The following SREK1IP1 variants were observed in gnomAD, a reference collection of about 807,000 sequenced individuals.
SREK1IP1 encodes the protein protein SREK1IP1.
Under a neutral mutation model 22.8 loss-of-function variants are expected in SREK1IP1, and 12 were observed. The observed-to-expected ratio is 0.53, with a 90% CI of 0.34 to 0.85. The LOEUF is 0.85. Among genes scored for constraint, SREK1IP1 ranks in the 40% least tolerant of loss-of-function variants. SREK1IP1 has a pLI of 0.02. For missense variants in SREK1IP1, 147 were observed against 171.8 expected (o/e 0.86, Z 0.81); for synonymous variants, 53 against 52.7 (o/e 1.01, Z -0.02).
At position 64,728,142 on chromosome 5, in the gene SREK1IP1, G is replaced by A; in HGVS notation, c.243C>T (p.Ser81=). 7.2e-7 allele frequency: 1 copy of A among 1,394,752 alleles called. No individual in the cohort carries two copies. Among genetic ancestry groups the A allele is most frequent in the South Asian group, 1.6e-5 (1 of 61,318 alleles). The allele number at this position is 1,394,752 out of a possible 1,614,324, so 86.4% of individuals were successfully genotyped here. The part of the protein sequence containing the change: ...NEEEEKKKEK[S]KEKIKLKKKR... ...TTTTTTTCAATTTGATTTTTTCTTT[G>A]CTTTTTTCTTTCTTCTTTTCCTCTT... The change falls in exon 4 of 5, where the codon AGC becomes AGT. Residue 81 remains serine, a synonymous_variant. Transcript: ENST00000513458.
chr5:64,752,005 T>A (rs1428750869), intron 2 of SREK1IP1, among the ~76,000 whole-genome samples: 1 of 152,188 alleles, frequency 6.6e-6, no homozygotes, highest in Non-Finnish European at 1.5e-5. Flanking sequence ...ATCATGATTA[T>A]TTGAGACATT....
chr5:64,749,908 G>A (rs1411473652), intron 2 of SREK1IP1, among the ~76,000 whole-genome samples: 1 of 152,068 alleles, frequency 6.6e-6, no homozygotes, highest in Non-Finnish European at 1.5e-5. Context: ...TCTTCCTTGA[G>A]GGCATTTCTC....
At chr5:64,757,444 A>C (rs1742861896) in intron 1 of SREK1IP1, among the ~76,000 whole-genome samples, 2 of 152,218 alleles carry the variant, frequency 1.3e-5, no homozygotes, top group African/African-American at 4.8e-5. Context: ...TACTTGTTTT[A>C]AAAATGCAAG....
chr5:64,766,978 T>A (rs1461148682), intron 1 of SREK1IP1, among the ~76,000 whole-genome samples: 1 of 152,206 alleles, frequency 6.6e-6, no homozygotes, highest in African/African-American at 2.4e-5. Flanking sequence ...TTGAGTTCTA[T>A]CCACAGAAAA....
chr5:64,745,597 A>AC (rs1315779056), intron 2 of SREK1IP1, among the ~76,000 whole-genome samples: 3 of 152,066 alleles, frequency 2.0e-5, no homozygotes, highest in African/African-American at 7.3e-5. Flanking sequence ...AAAAAAAAAA[A>AC]AAACTCCTGA....
chr5:64,747,088 C>G (rs1742651148), intron 2 of SREK1IP1, among the ~76,000 whole-genome samples: 1 of 152,164 alleles, frequency 6.6e-6, no homozygotes, highest in African/African-American at 2.4e-5. Flanking sequence ...CATGTGCTCT[C>G]TGTGTGCCAC....
chr5:64,749,486 G>C (rs1317106088), intron 2 of SREK1IP1, among the ~76,000 whole-genome samples: 1 of 151,742 alleles, frequency 6.6e-6, no homozygotes, highest in African/African-American at 2.4e-5. Flanking sequence ...ACCCAGGCAG[G>C]AGTGCAGTGG....
chr5:64,722,968 C>G lies in SREK1IP1; in HGVS notation c.*1416G>C, dbSNP rs1742198290. ...AGCTGATTTCACTATCATGAATTCA[C>G]CTGCAGCCGTATCTATAGGTTATCA... On this transcript the variant is annotated 3_prime_UTR_variant, in exon 5 of 5. Coordinates refer to ENST00000513458, the MANE Select transcript of SREK1IP1 (RefSeq NM_173829.4). The G allele has an allele frequency of 6.6e-6, 1 of 152,186 alleles. No homozygotes were observed. Among genetic ancestry groups the G allele is most frequent in the African/African-American group, 2.4e-5 (1 of 41,440 alleles). 9.4% of individuals were successfully genotyped at this position (152,186 alleles called of 1,614,324 possible).
At chr5:64,731,435 G>A (rs1479938191) in intron 3 of SREK1IP1, among the ~76,000 whole-genome samples, 1 of 151,226 alleles carries the variant, frequency 6.6e-6, no homozygotes, top group Non-Finnish European at 1.5e-5. Context: ...GACTGCTTGG[G>A]CCCAGGAGTT....
intron 2 of SREK1IP1, among the ~76,000 whole-genome samples, 158 bp downstream of exon 2, chr5:64,754,157 T>C (rs1184756093): frequency 6.6e-6 from 1 of 152,186 alleles, no homozygotes; most frequent in African/African-American, 2.4e-5. Context: ...AAGTGAATAT[T>C]TAGTGCTAAC....
intron 1 of SREK1IP1, among the ~76,000 whole-genome samples, chr5:64,762,416 G>A (rs542724923): frequency 7.2e-5 from 11 of 152,198 alleles, no homozygotes; most frequent in African/African-American, 2.6e-4. Flanking sequence ...AACCTATAAA[G>A]ACAATTTCAA....
At chr5:64,760,212 G>A (rs1742923205) in intron 1 of SREK1IP1, among the ~76,000 whole-genome samples, 2 of 152,170 alleles carry the variant, frequency 1.3e-5, no homozygotes, top group Non-Finnish European at 2.9e-5. Context: ...CAGTGTTTAT[G>A]GCATGCTGCC....
At chr5:64,727,514 T>G (rs1017043412) in intron 4 of SREK1IP1, among the ~76,000 whole-genome samples, 1 of 144,210 alleles carries the variant, frequency 6.9e-6, no homozygotes, top group Non-Finnish European at 1.5e-5. Context: ...AAGGTGTGTG[T>G]ATGTGCATAT....
chr5:64,766,111 C>T (rs1487258476), intron 1 of SREK1IP1, among the ~76,000 whole-genome samples: 2 of 152,238 alleles, frequency 1.3e-5, no homozygotes, highest in Admixed American at 1.3e-4. Context: ...GAGTGCTCCA[C>T]TCCCATAGCC....
chr5:64,761,853 T>C (rs1742956979), intron 1 of SREK1IP1, among the ~76,000 whole-genome samples: 1 of 151,450 alleles, frequency 6.6e-6, no homozygotes, highest in Admixed American at 6.6e-5. Flanking sequence ...AACATGTAAA[T>C]TATGTCTTAG....
chr5:64,763,588 TAAG>T (rs1329903484), intron 1 of SREK1IP1, among the ~76,000 whole-genome samples: 5 of 152,116 alleles, frequency 3.3e-5, no homozygotes, highest in East Asian at 1.9e-4. Flanking sequence ...GAAATTTGTT[TAAG>T]AAGAGACAGA....
rs1021741113 is a variant in SREK1IP1 at position 64,718,724 on chromosome 5, T to G, written c.*5660A>C. 1 of 152,146 alleles carries G rather than the reference T, an allele frequency of 6.6e-6. No homozygotes were observed. Among genetic ancestry groups the G allele is most frequent in the Non-Finnish European group, 1.5e-5 (1 of 67,994 alleles). 9.4% of individuals were successfully genotyped at this position (152,146 alleles called of 1,614,324 possible). A position where few individuals can be genotyped will look rare whatever the true frequency, so the allele number is the denominator to read the frequency against. On this transcript the variant is annotated 3_prime_UTR_variant, in exon 5 of 5. Coordinates refer to ENST00000513458, the MANE Select transcript of SREK1IP1 (RefSeq NM_173829.4). The stretch of plus-strand genomic sequence containing the variant: ...TAAAACTAATTTCTGCAAATTATAA[T>G]TTTTAAAGATTTTTATTCATAAGTG...
intron 2 of SREK1IP1, among the ~76,000 whole-genome samples, chr5:64,751,549 T>C (rs1052326336): frequency 5.9e-5 from 9 of 152,206 alleles, no homozygotes; most frequent in African/African-American, 1.7e-4. Context: ...GGGAATGCCA[T>C]TGGCATTTGG....
At chr5:64,740,487 T>C (rs989881480) in intron 3 of SREK1IP1, among the ~76,000 whole-genome samples, 2 of 152,270 alleles carry the variant, frequency 1.3e-5, no homozygotes, top group South Asian at 2.1e-4. Flanking sequence ...AAACTTCTTA[T>C]GTTAATATTG....
Sources: allele counts gnomAD v4.1 joint callset (sites outside exome capture counted in the v4.1 genomes callset), GRCh38; gene constraint gnomAD v4.1.1; transcripts MANE v1.5; gene names NCBI Gene and HGNC (gene_info 2026-07-23, HGNC 2026-07-21).